Variants in USP26 observed in about 807,000 individuals in gnomAD.
USP26 encodes the protein ubiquitin carboxyl-terminal hydrolase 26.
For missense variants in USP26, 649 were observed against 642.3 expected, an observed-to-expected ratio of 1.01 and a Z score of -0.11; for synonymous variants, 236 against 240.6, an observed-to-expected ratio of 0.98 and a Z score of 0.18.
chrX:133,067,961 G>T (rs753419504), intron 5 of USP26, among the ~76,000 whole-genome samples: 5 of 111,888 alleles, frequency 4.5e-5, no homozygotes, highest in African/African-American at 6.5e-5. Flanking sequence ...CCTTAAAGAA[G>T]CAGTGCCTCA....
At chrX:133,050,091 G>A (rs889258200) in intron 5 of USP26, among the ~76,000 whole-genome samples, 4 of 112,156 alleles carry the variant, frequency 3.6e-5, no homozygotes, top group Non-Finnish European at 7.5e-5. Context: ...TCTAACTAAC[G>A]TCTTTTGTCC....
At chrX:133,044,106 C>A (rs1019149693) in intron 5 of USP26, among the ~76,000 whole-genome samples, 2 of 112,884 alleles carry the variant, frequency 1.8e-5, no homozygotes, top group African/African-American at 6.4e-5. Context: ...ACCCACCCAT[C>A]TACTACTCTC....
At position 133,027,708 on chromosome X, in the gene USP26, C is replaced by T; in HGVS notation, c.513G>A (p.Glu171=). Residue 171 remains glutamate (E), a synonymous_variant, in exon 6 of 6, where the codon GAG becomes GAA. Transcript: ENST00000511190. ...LTSKLTLTCG[E]LSENQHKKRK... is the part of the protein sequence containing the mutation. The stretch of plus-strand genomic sequence containing the variant: ...TCTTCTTGTGCTGATTTTCTGATAA[C>T]TCTCCGCAAGTAAGTGTCAATTTTG... 9 of 1,209,171 alleles carry T rather than the reference C, an allele frequency of 7.4e-6. No homozygotes were observed. Among genetic ancestry groups the T allele is most frequent in the Non-Finnish European group, 1.0e-5 (9 of 893,496 alleles).
chrX:133,084,226 T>C (rs904905468), intron 4 of USP26, among the ~76,000 whole-genome samples: 4 of 111,923 alleles, frequency 3.6e-5, no homozygotes, highest in African/African-American at 1.3e-4. Flanking sequence ...ATTTATTTAG[T>C]GTCACTCTGT....
intron 5 of USP26, among the ~76,000 whole-genome samples, chrX:133,044,594 C>T (rs758009376): frequency 1.4e-4 from 16 of 113,366 alleles, no homozygotes; most frequent in Non-Finnish European, 2.6e-4. Flanking sequence ...ATTTTTCACA[C>T]GGCCTTAGCT....
intron 5 of USP26, among the ~76,000 whole-genome samples, chrX:133,041,871 C>T (rs1340706837): frequency 1.8e-5 from 2 of 112,242 alleles, no homozygotes; most frequent in Non-Finnish European, 3.8e-5. Context: ...TATAAGCCTC[C>T]GACTGGGGCT....
intron 5 of USP26, among the ~76,000 whole-genome samples, chrX:133,048,548 A>AAT (rs2067447842): frequency 1.1e-5 from 1 of 87,302 alleles, no homozygotes; most frequent in East Asian, 3.6e-4. Context: ...GAACAGTTGC[A>AAT]TTTTTTTTTT....
intron 5 of USP26, among the ~76,000 whole-genome samples, chrX:133,070,979 G>A (rs944914914): frequency 5.4e-5 from 6 of 111,105 alleles, no homozygotes; most frequent in Non-Finnish European, 9.4e-5. Context: ...CAATTTGGGA[G>A]GCTGAGGCGG....
intron 1 of USP26, among the ~76,000 whole-genome samples, chrX:133,092,499 T>C (rs1418734279): frequency 8.9e-6 from 1 of 112,302 alleles, no homozygotes; most frequent in African/African-American, 3.2e-5. Flanking sequence ...ATTTCACGAA[T>C]AATTGCAACC....
chrX:133,041,794 G>T, intron 5 of USP26, among the ~76,000 whole-genome samples: 1 of 112,256 alleles, frequency 8.9e-6, no homozygotes, highest in Non-Finnish European at 1.9e-5. Context: ...GATTAAGTTT[G>T]CTGAAGCTGT....
At chrX:133,034,866 A>C (rs959065376) in intron 5 of USP26, among the ~76,000 whole-genome samples, 2 of 111,682 alleles carry the variant, frequency 1.8e-5, no homozygotes, top group African/African-American at 6.5e-5. Flanking sequence ...CTTACAAAAA[A>C]AAAAAATATT....
At chrX:133,096,047 A>ATTTTTTTTTTTTTTTTTTTT (rs779131148) in intron 1 of USP26, among the ~76,000 whole-genome samples, 1 of 36,537 alleles carries the variant, frequency 2.7e-5, no homozygotes, top group Non-Finnish European at 4.4e-5. Context: ...GCCCGGCCTA[A>ATTTTTTTTTTTTTTTTTTTT]TTTTTTTTTT....
At chrX:133,047,342 C>T (rs1458992221) in intron 5 of USP26, among the ~76,000 whole-genome samples, 5 of 111,966 alleles carry the variant, frequency 4.5e-5, no homozygotes, top group Non-Finnish European at 9.4e-5. Flanking sequence ...TGGCCTTTGC[C>T]TCTGTGAATT....
Position 133,027,932 on chromosome X carries a change from A to G in USP26, c.289T>C (p.Phe97Leu). 8.3e-7 allele frequency: 1 copy of G among 1,211,420 alleles called. No homozygotes were observed. The highest frequency in any genetic ancestry group is 1.8e-5 in the South Asian group (1 of 56,887). Reference sequence around the variant, plus strand: ...TCGTTTTGATGAACTCTGTCCAAGAATATCTTCAATTGTTCAGCATCTGTG... The same window carrying G: ...TCGTTTTGATGAACTCTGTCCAAGAGTATCTTCAATTGTTCAGCATCTGTG... ...SSTDAEQLKI[F>L]LDRVHQNEVQ... The change falls in exon 6 of 6, where the codon TTC (phenylalanine) becomes CTC (leucine). Residue 97 changes from phenylalanine to leucine, a missense_variant. Phe to Leu is a conservative substitution (Grantham distance 22). Coordinates refer to ENST00000511190, the MANE Select transcript of USP26 (RefSeq NM_031907.3).
intron 5 of USP26, among the ~76,000 whole-genome samples, chrX:133,034,353 G>C (rs1256192363): frequency 2.7e-5 from 3 of 111,280 alleles, no homozygotes; most frequent in African/African-American, 6.5e-5. Flanking sequence ...AGGGCTGACG[G>C]GTCAGGAAAA....
chrX:133,081,417 C>T (rs895921446), intron 5 of USP26, among the ~76,000 whole-genome samples: 4 of 103,538 alleles, frequency 3.9e-5, no homozygotes, highest in Non-Finnish European at 7.9e-5. Flanking sequence ...CAGCCTCAGC[C>T]TCCCAAGTAG....
chrX:133,063,090 A>C (rs762035452), intron 5 of USP26, among the ~76,000 whole-genome samples: 25 of 111,336 alleles, frequency 2.2e-4, no homozygotes, highest in Admixed American at 4.8e-4. Flanking sequence ...ATACACAAGT[A>C]TCAACAGCCG....
chrX:133,023,649 C>T lies in USP26; in HGVS notation c.*1830G>A, dbSNP rs1411092034. On this transcript the variant is annotated 3_prime_UTR_variant, in exon 6 of 6. Transcript: ENST00000511190. ...CTTCCCTAAGAGTGATCAATTCAAT[C>T]TATGATATTCCCTCCTATATACCTT... 9.0e-6 allele frequency among the ~76,000 whole-genome samples: 1 copy of T among 111,720 alleles called. No individual in the cohort carries two copies. Among genetic ancestry groups the T allele is most frequent in the Non-Finnish European group, 1.9e-5 (1 of 53,169 alleles).
rs1272829748 is a variant in USP26 at position 133,025,415 on chromosome X, C to A, written c.*64G>T. The A allele has an allele frequency of 1.7e-6, 2 of 1,202,650 alleles. No homozygotes were observed. Among genetic ancestry groups the A allele is most frequent in the Non-Finnish European group, 2.2e-6 (2 of 892,321 alleles). On this transcript the variant is annotated 3_prime_UTR_variant, in exon 6 of 6. Coordinates refer to ENST00000511190, the MANE Select transcript of USP26 (RefSeq NM_031907.3). ...TGGATAAAGTTCACAGTTTTCCTTC[C>A]ATGGAGGAAGTGGTATCGAGTGAGA...
Sources: gnomAD v4.1 joint callset for allele counts (sites outside exome capture counted in the v4.1 genomes callset) on GRCh38, gnomAD v4.1.1 for gene constraint, MANE v1.5 for transcripts, NCBI Gene and HGNC (gene_info 2026-07-23, HGNC 2026-07-21) for gene names.